PRKG1: variants seen among roughly 807,000 people sequenced by gnomAD.
The protein encoded by PRKG1 is cGMP-dependent protein kinase 1.
PRKG1 carries 35 observed loss-of-function variants against 88.1 expected under a neutral mutation model. The ratio of observed to expected loss-of-function variants is 0.40; its 90% confidence interval spans 0.30 to 0.53. The LOEUF is 0.53. PRKG1 is among the 20% of genes least tolerant of loss of function. The probability of loss-of-function intolerance (pLI) is 0.59; values close to 1 mark genes in which losing one functional copy is unlikely to be tolerated. For missense variants in PRKG1, 540 were observed against 839.8 expected (o/e 0.64, Z 4.41); for synonymous variants, 303 against 292.5 (o/e 1.04, Z -0.37).
chr10:51,187,886 T>A, intron 2 of PRKG1, among the ~76,000 whole-genome samples: 1 of 152,024 alleles, frequency 6.6e-6, no homozygotes, highest in African/African-American at 2.4e-5. Context: ...TAGATCTTGC[T>A]TGTTTTGATT....
intron 3 of PRKG1, among the ~76,000 whole-genome samples, chr10:51,640,986 A>G (rs144028458): frequency 1.3e-3 from 204 of 152,284 alleles, no homozygotes; most frequent in Middle Eastern, 0.01. Flanking sequence ...ATACTGTCAC[A>G]TTAGGCAAAT....
chr10:51,828,612 G>A (rs1411432084), intron 4 of PRKG1, among the ~76,000 whole-genome samples: 3 of 152,074 alleles, frequency 2.0e-5, no homozygotes, highest in African/African-American at 4.8e-5. Context: ...ACACAGCATC[G>A]TCTTTGATGT....
intron 5 of PRKG1, among the ~76,000 whole-genome samples, chr10:52,030,818 A>G (rs904941711): frequency 2.6e-5 from 4 of 152,236 alleles, no homozygotes; most frequent in African/African-American, 4.8e-5. Flanking sequence ...ATGAGCATAA[A>G]TGTATAAATG....
chr10:51,010,203 C>T (rs1380911285), intron 1 of PRKG1, among the ~76,000 whole-genome samples: 4 of 152,192 alleles, frequency 2.6e-5, no homozygotes, highest in Non-Finnish European at 4.4e-5. Context: ...TGCAGAAAAG[C>T]GAATTCTACT....
intron 2 of PRKG1, among the ~76,000 whole-genome samples, chr10:51,337,412 G>T (rs1841902203): frequency 6.6e-6 from 1 of 152,054 alleles, no homozygotes; most frequent in African/African-American, 2.4e-5. Flanking sequence ...TTGACAAATG[G>T]GATCTAATTA....
intron 3 of PRKG1, among the ~76,000 whole-genome samples, chr10:51,738,438 C>A (rs530759697): frequency 7.9e-5 from 12 of 152,152 alleles, no homozygotes; most frequent in Non-Finnish European, 1.8e-4. Flanking sequence ...TTCTTTTTCT[C>A]TAAGATGGGC....
At chr10:51,905,495 G>A (rs1025853104) in intron 4 of PRKG1, among the ~76,000 whole-genome samples, 2 of 152,102 alleles carry the variant, frequency 1.3e-5, no homozygotes, top group Non-Finnish European at 2.9e-5. Context: ...CTCAGTTATA[G>A]CCTTTTCTCC....
chr10:51,747,547 C>T (rs7899143), intron 3 of PRKG1, among the ~76,000 whole-genome samples: 22,089 of 152,066 alleles, frequency 0.15, 2,580 homozygotes, highest in African/African-American at 0.32. Context: ...TTGTGTAGGT[C>T]TTCTAAGGCC....
At chr10:52,024,075 G>A (rs1845262043) in intron 5 of PRKG1, among the ~76,000 whole-genome samples, 1 of 152,100 alleles carries the variant, frequency 6.6e-6, no homozygotes, top group Non-Finnish European at 1.5e-5. Flanking sequence ...AATCCATCTT[G>A]AGTTGATTTT....
At position 51,231,737 on chromosome 10, in the gene PRKG1, C is replaced by G. The variant is rs115907971; in HGVS notation, c.478+78407C>G. On this transcript the variant is annotated intron_variant, in intron 2 of 17. Transcript: ENST00000373980. ...TTTTTTTTTTTTTTTACCTACAACACTTCTAGATGTGACGTTTTCTGGAGA... is the reference window on the plus strand; with the variant it reads ...TTTTTTTTTTTTTTTACCTACAACAGTTCTAGATGTGACGTTTTCTGGAGA... Among the ~76,000 whole-genome samples the G allele has an allele frequency of 4.0e-3, 608 of 150,954 alleles. 4 individuals are homozygous for G. The highest frequency in any genetic ancestry group is 0.014 in the African/African-American group (583 of 41,098).
chr10:51,214,822 GT>G (rs574983607), intron 2 of PRKG1, among the ~76,000 whole-genome samples: 48 of 152,224 alleles, frequency 3.2e-4, no homozygotes, highest in African/African-American at 1.1e-3. Context: ...GCAAAGCTTT[GT>G]TTTTACAATC....
At chr10:51,597,803 A>G (rs2177833) in intron 3 of PRKG1, among the ~76,000 whole-genome samples, 3 of 152,210 alleles carry the variant, frequency 2.0e-5, no homozygotes, top group Non-Finnish European at 4.4e-5. Flanking sequence ...TATAAGCACA[A>G]TGAATCACTC....
At chr10:51,945,594 G>C (rs931782396) in intron 5 of PRKG1, among the ~76,000 whole-genome samples, 7 of 151,678 alleles carry the variant, frequency 4.6e-5, no homozygotes, top group East Asian at 3.9e-4. Flanking sequence ...TGGCTGGTAT[G>C]GGTTGTTCCT....
At chr10:51,508,008 A>G (rs1841277520) in intron 3 of PRKG1, among the ~76,000 whole-genome samples, 1 of 152,156 alleles carries the variant, frequency 6.6e-6, no homozygotes, top group African/African-American at 2.4e-5. Context: ...AGAGACAGCA[A>G]TTTAATGATT....
intron 2 of PRKG1, among the ~76,000 whole-genome samples, chr10:51,390,540 G>A (rs1837368933): frequency 6.6e-6 from 1 of 152,206 alleles, no homozygotes; most frequent in African/African-American, 2.4e-5. Context: ...ACGAGTTCAT[G>A]TGTACCTATA....
At position 51,526,748 on chromosome 10, in the gene PRKG1, A is replaced by T. The variant is rs538775872; in HGVS notation, c.592+58912A>T. ...CCTACTCCTCATTTCTGACCTTCAG[A>T]TGTTTTCTTTCTCTCCTACCAGCTC... On this transcript the variant is annotated intron_variant, in intron 3 of 17. Coordinates refer to ENST00000373980, the MANE Select transcript of PRKG1 (RefSeq NM_006258.4). Among the ~76,000 whole-genome samples the T allele has an allele frequency of 1.6e-4, 25 of 152,262 alleles. No individual in the cohort carries two copies. In the South Asian group the frequency reaches 2.9e-3, roughly 18 times the overall value.
At chr10:51,843,570 C>T (rs994011335) in intron 4 of PRKG1, among the ~76,000 whole-genome samples, 4 of 152,170 alleles carry the variant, frequency 2.6e-5, no homozygotes, top group South Asian at 2.1e-4. Context: ...CTTCGTTTAG[C>T]GTTCAGCTTT....
intron 2 of PRKG1, among the ~76,000 whole-genome samples, chr10:51,352,348 A>G (rs546507021): frequency 6.6e-6 from 1 of 151,938 alleles, no homozygotes; most frequent in South Asian, 2.1e-4. Flanking sequence ...AAGTATGGCC[A>G]TTTTCACGGT....
intron 10 of PRKG1, among the ~76,000 whole-genome samples, chr10:52,265,449 G>A (rs1158615464): frequency 1.3e-5 from 2 of 152,044 alleles, no homozygotes; most frequent in Non-Finnish European, 2.9e-5. Flanking sequence ...TTAAGATATT[G>A]ACAGTGCAAA....
Sources: gnomAD v4.1 joint callset for allele counts (sites outside exome capture counted in the v4.1 genomes callset) on GRCh38, gnomAD v4.1.1 for gene constraint, MANE v1.5 for transcripts, NCBI Gene and HGNC (gene_info 2026-07-23, HGNC 2026-07-21) for gene names.